Variants in DYTN observed in about 807,000 individuals in gnomAD.
The protein encoded by DYTN is dystrotelin.
Under a neutral mutation model 69.6 loss-of-function variants are expected in DYTN, and 75 were observed. That is an observed-to-expected ratio of 1.08 (90% CI 0.89 to 1.31). The LOEUF is 1.31. Ranked by LOEUF, DYTN falls within the 50% of genes most tolerant of loss-of-function variation. The pLI is 0.00. For synonymous variants in DYTN, 252 were observed against 249.1 expected, an observed-to-expected ratio of 1.01 and a Z score of -0.11; for missense variants, 726 against 688.4, an observed-to-expected ratio of 1.05 and a Z score of -0.61.
chr2:206,671,378 T>C (rs1366341275), intron 9 of DYTN, among the ~76,000 whole-genome samples: 2 of 152,226 alleles, frequency 1.3e-5, no homozygotes, highest in African/African-American at 2.4e-5. Flanking sequence ...TAAAGTCGCA[T>C]TCTCTGGTTG....
intron 9 of DYTN, among the ~76,000 whole-genome samples, chr2:206,667,059 C>T (rs535702886): frequency 6.6e-6 from 1 of 152,116 alleles, no homozygotes; most frequent in East Asian, 1.9e-4. Context: ...AAAATATGAA[C>T]CAAGTAGTCA....
intron 11 of DYTN, among the ~76,000 whole-genome samples, chr2:206,657,637 A>G (rs944119642): frequency 6.6e-6 from 1 of 152,144 alleles, no homozygotes; most frequent in Non-Finnish European, 1.5e-5. Flanking sequence ...GTTGTTGGAT[A>G]TAGTATTTTT....
intron 5 of DYTN, among the ~76,000 whole-genome samples, chr2:206,701,427 T>C (rs1350973980): frequency 6.6e-6 from 1 of 152,146 alleles, no homozygotes; most frequent in Non-Finnish European, 1.5e-5. Context: ...AAATGTGGTA[T>C]GTAATATACA....
chr2:206,659,805 A>G (rs1699489046), intron 11 of DYTN, among the ~76,000 whole-genome samples: 1 of 152,206 alleles, frequency 6.6e-6, no homozygotes. Flanking sequence ...ATAATTAGAA[A>G]TAATTGGGTG....
At chr2:206,698,685 A>C (rs1281499540) in intron 7 of DYTN, among the ~76,000 whole-genome samples, 1 of 152,216 alleles carries the variant, frequency 6.6e-6, no homozygotes, top group Non-Finnish European at 1.5e-5. Context: ...TGGGAGACCT[A>C]TAACACTCTT....
chr2:206,693,266 G>A lies in DYTN; in HGVS notation c.889C>T (p.Gln297Ter). The A allele has an allele frequency of 6.2e-7, 1 of 1,613,554 alleles. No individual in the cohort carries two copies. Among genetic ancestry groups the A allele is most frequent in the Non-Finnish European group, 8.5e-7 (1 of 1,179,864 alleles). Reference sequence around the variant, plus strand: ...GCTTCTTTCTTCCTACAGCGCCCCTGAAGAAGGTTGTTTCTGAGGGTCCTG... The same window carrying A: ...GCTTCTTTCTTCCTACAGCGCCCCTAAAGAAGGTTGTTTCTGAGGGTCCTG... ...LFRTLRNNLLQGRCRKKEAAR... is the reference protein window; with the variant it reads ...LFRTLRNNLL Residue 297 changes from glutamine to a stop codon, truncating the protein, a stop_gained, in exon 9 of 12, where the codon CAG becomes TAG. Coordinates refer to ENST00000452335, the MANE Select transcript of DYTN (RefSeq NM_001093730.1). LOFTEE classifies it high-confidence loss of function.
chr2:206,666,202 A>T (rs1238617444), intron 9 of DYTN, among the ~76,000 whole-genome samples, 173 bp from the exon 10 acceptor site: 1 of 152,058 alleles, frequency 6.6e-6, no homozygotes, highest in Non-Finnish European at 1.5e-5. Context: ...AGGCTGGAGA[A>T]TGCAGTGGCG....
At chr2:206,696,689 G>C (rs1248443830) in intron 7 of DYTN, among the ~76,000 whole-genome samples, 1 of 152,122 alleles carries the variant, frequency 6.6e-6, no homozygotes, top group African/African-American at 2.4e-5. Context: ...TTGAGTCCCA[G>C]GTTACTATCT....
chr2:206,681,193 G>C (rs1699746809), intron 9 of DYTN, among the ~76,000 whole-genome samples: 1 of 152,022 alleles, frequency 6.6e-6, no homozygotes. Flanking sequence ...TTGTTGTATA[G>C]GAATACTTGT....
intron 11 of DYTN, among the ~76,000 whole-genome samples, chr2:206,662,071 T>C (rs1559304842): frequency 6.6e-6 from 1 of 152,170 alleles, no homozygotes; most frequent in Admixed American, 6.5e-5. Context: ...ATCACAAGGG[T>C]AAATGATCAG....
intron 1 of DYTN, among the ~76,000 whole-genome samples, chr2:206,713,214 A>C (rs1700095255): frequency 3.9e-5 from 6 of 152,226 alleles, no homozygotes; most frequent in Admixed American, 2.6e-4. Flanking sequence ...ATTAACATAT[A>C]CATTATGCCA....
Position 206,699,889 on chromosome 2 carries a change from A to G in DYTN, c.557T>C (p.Val186Ala). 1 of 1,610,872 alleles carries G rather than the reference A, an allele frequency of 6.2e-7. No individual in the cohort carries two copies. The highest frequency in any genetic ancestry group is 8.5e-7 in the Non-Finnish European group (1 of 1,178,898). The change falls in exon 7 of 12, where the codon GTG becomes GCG. Residue 186 changes from valine to alanine, a missense_variant and splice_region_variant. Val to Ala is a moderately conservative substitution (Grantham distance 64). Coordinates refer to ENST00000452335, the MANE Select transcript of DYTN (RefSeq NM_001093730.1). ...ESATRSCFQG[V>A]LSPAIKEEKF... ...TTCTTCTTTGATTGCTGGGCTCAAC[A>G]CCTGAAAAACAATGGCACTCTAAGA... is the stretch of plus-strand genomic sequence containing the variant.
intron 1 of DYTN, among the ~76,000 whole-genome samples, chr2:206,714,089 G>C (rs1014537976): frequency 5.9e-5 from 9 of 152,186 alleles, no homozygotes; most frequent in African/African-American, 2.2e-4. Context: ...TGCAGCAAGG[G>C]GAGAATTTAA....
At chr2:206,657,995 T>A (rs1699468785) in intron 11 of DYTN, among the ~76,000 whole-genome samples, 1 of 152,178 alleles carries the variant, frequency 6.6e-6, no homozygotes, top group African/African-American at 2.4e-5. Context: ...ATATTACAAA[T>A]ATTGGTCAGC....
rs146436644 is a variant in DYTN, at chr2:206,683,769, G to C, written c.980+9406C>G. 1.3e-3 allele frequency among the ~76,000 whole-genome samples: 192 copies of C among 152,006 alleles called. 1 individual carries two copies. The highest frequency in any genetic ancestry group is 2.0e-3 in the Non-Finnish European group (137 of 67,964). ...TACTTTTGCACCAACCTAATACCAAGCATGCCCCCACTTGGTGCTGGCTGT... is the reference window on the plus strand; with the variant it reads ...TACTTTTGCACCAACCTAATACCAACCATGCCCCCACTTGGTGCTGGCTGT... On this transcript the variant is annotated intron_variant, in intron 9 of 11. Transcript: ENST00000452335.
intron 11 of DYTN, among the ~76,000 whole-genome samples, chr2:206,658,111 T>C (rs1699469701): frequency 6.6e-6 from 1 of 152,102 alleles, no homozygotes. Flanking sequence ...CTGATTTTTC[T>C]GCTTGATCTA....
chr2:206,657,774 C>T (rs1485656809), intron 11 of DYTN, among the ~76,000 whole-genome samples: 1 of 152,110 alleles, frequency 6.6e-6, no homozygotes, highest in African/African-American at 2.4e-5. Context: ...TTTTCTCTTG[C>T]TGCTTTCAAA....
chr2:206,700,198 C>A lies in DYTN; in HGVS notation c.502G>T (p.Glu168Ter). 3 of 1,613,926 alleles carry A rather than the reference C, an allele frequency of 1.9e-6. No individual in the cohort carries two copies. The highest frequency in any genetic ancestry group is 1.7e-5 in the Admixed American group (1 of 60,022). Residue 168 changes from glutamate (E) to a stop codon, truncating the protein, a stop_gained, in exon 6 of 12, where the codon GAG becomes TAG. Coordinates refer to ENST00000452335, the MANE Select transcript of DYTN (RefSeq NM_001093730.1). LOFTEE classifies it high-confidence loss of function. ...TCCACAGGGCACAGAGCACGACTCT[C>A]TCCCACGAAAGTTGGGATCTGCAAG... ...DLQQIPTFVG[E>*]SRALCPVESA...
intron 5 of DYTN, among the ~76,000 whole-genome samples, chr2:206,702,620 A>G (rs1699986603): frequency 6.6e-6 from 1 of 152,166 alleles, no homozygotes; most frequent in Non-Finnish European, 1.5e-5. Flanking sequence ...TAACTGGACC[A>G]CTTATTTAGA....
Sources: gnomAD v4.1 joint callset for allele counts (sites outside exome capture counted in the v4.1 genomes callset) on GRCh38, gnomAD v4.1.1 for gene constraint, MANE v1.5 for transcripts, NCBI Gene and HGNC (gene_info 2026-07-23, HGNC 2026-07-21) for gene names.